NRF1: variants seen among roughly 807,000 people sequenced by gnomAD.
NRF1 encodes alpha palindromic-binding protein.
In NRF1, 5 loss-of-function variants were observed where a neutral mutation model predicts 58.5. The ratio of observed to expected loss-of-function variants is 0.09; its 90% CI spans 0.04 to 0.18. The LOEUF (loss-of-function observed/expected upper bound fraction) is 0.18. Ranked by LOEUF, NRF1 falls within the 10% of genes least tolerant of loss-of-function variation. NRF1 has a pLI of 1.00. For synonymous variants in NRF1, 224 were observed against 246.7 expected, an observed-to-expected ratio of 0.91 and a Z score of 0.86; for missense variants, 288 against 657.7, an observed-to-expected ratio of 0.44 and a Z score of 6.15.
chr7:129,655,029 A>G (rs1584611486), intron 1 of NRF1, among the ~76,000 whole-genome samples: 1 of 152,232 alleles, frequency 6.6e-6, no homozygotes, highest in Non-Finnish European at 1.5e-5. Flanking sequence ...TGTTGAATCT[A>G]GAGATCAGGT....
intron 3 of NRF1, among the ~76,000 whole-genome samples, chr7:129,674,520 A>T (rs371544974): frequency 1.3e-5 from 2 of 152,094 alleles, no homozygotes; most frequent in African/African-American, 4.8e-5. Context: ...CTGCAGCCTC[A>T]ATCTCCTGGG....
chr7:129,632,873 T>C (rs1801081606), intron 1 of NRF1, among the ~76,000 whole-genome samples: 1 of 152,166 alleles, frequency 6.6e-6, no homozygotes, highest in Admixed American at 6.5e-5. Context: ...AGCCCAGCTA[T>C]CCAGAGATAC....
chr7:129,647,298 C>G (rs528700765), intron 1 of NRF1, among the ~76,000 whole-genome samples: 5 of 152,042 alleles, frequency 3.3e-5, no homozygotes, highest in Non-Finnish European at 7.4e-5. Flanking sequence ...CTCGGGATTA[C>G]GGGCATGAGC....
At chr7:129,618,648 T>G (rs1455459911) in intron 1 of NRF1, among the ~76,000 whole-genome samples, 2 of 152,148 alleles carry the variant, frequency 1.3e-5, no homozygotes, top group Admixed American at 6.5e-5. Flanking sequence ...CAAGCTATGA[T>G]AGGGCCACTG....
intron 1 of NRF1, among the ~76,000 whole-genome samples, chr7:129,630,365 G>A (rs1239713387): frequency 6.6e-6 from 1 of 152,182 alleles, no homozygotes; most frequent in Non-Finnish European, 1.5e-5. Flanking sequence ...CTATTAATGA[G>A]TCTTCTACTT....
chr7:129,641,423 C>G lies in NRF1; in HGVS notation c.-6-15923C>G, dbSNP rs188529675. On this transcript the variant is annotated intron_variant, in intron 1 of 10. Transcript: ENST00000393232. Reference sequence around the variant, plus strand: ...CCCTTCACGTCCCTCTTTTTATATTCTACCTTCTGATACCTGTACTCAACT... The same window carrying G: ...CCCTTCACGTCCCTCTTTTTATATTGTACCTTCTGATACCTGTACTCAACT... 3.9e-5 allele frequency among the ~76,000 whole-genome samples: 6 copies of G among 152,198 alleles called. No homozygotes were observed. In the East Asian group the frequency reaches 1.2e-3, roughly 29 times the overall value.
chr7:129,673,116 T>G (rs1056034081), intron 3 of NRF1, among the ~76,000 whole-genome samples: 1 of 152,178 alleles, frequency 6.6e-6, no homozygotes, highest in Admixed American at 6.5e-5. Context: ...CAAATGCTGC[T>G]GATGGGTTGA....
At chr7:129,691,447 C>T (rs1429677096) in intron 5 of NRF1, among the ~76,000 whole-genome samples, 5 of 150,856 alleles carry the variant, frequency 3.3e-5, no homozygotes, top group East Asian at 1.9e-4. Flanking sequence ...CTGCAACCTC[C>T]GCCTCCTGGG....
chr7:129,624,870 C>T (rs1245522432), intron 1 of NRF1, among the ~76,000 whole-genome samples: 4 of 152,056 alleles, frequency 2.6e-5, no homozygotes, highest in African/African-American at 4.8e-5. Flanking sequence ...TTGTCCGAGT[C>T]GTCCCTATTT....
At chr7:129,746,475 C>G (rs1010770384) in intron 10 of NRF1, among the ~76,000 whole-genome samples, 1 of 152,144 alleles carries the variant, frequency 6.6e-6, no homozygotes, top group Non-Finnish European at 1.5e-5. Flanking sequence ...TGGCACATAC[C>G]ATGCCTGTTT....
intron 2 of NRF1, among the ~76,000 whole-genome samples, chr7:129,666,243 C>G (rs902621175): frequency 7.2e-5 from 11 of 152,340 alleles, no homozygotes; most frequent in African/African-American, 2.6e-4. Flanking sequence ...GGAACTCTTT[C>G]TAATCCTGCT....
At chr7:129,690,233 T>C (rs1802533199) in intron 4 of NRF1, among the ~76,000 whole-genome samples, 173 bp from the exon 5 acceptor site, 1 of 152,216 alleles carries the variant, frequency 6.6e-6, no homozygotes. Context: ...TTAATTATGT[T>C]CAGTATGATG....
chr7:129,693,768 GT>G (rs1426450875), intron 5 of NRF1, among the ~76,000 whole-genome samples: 1 of 152,176 alleles, frequency 6.6e-6, no homozygotes, highest in Non-Finnish European at 1.5e-5. Context: ...TCTAGTTGAT[GT>G]GAAGAATCTA....
At chr7:129,737,996 G>T (rs1053620771) in intron 10 of NRF1, among the ~76,000 whole-genome samples, 1 of 152,210 alleles carries the variant, frequency 6.6e-6, no homozygotes, top group African/African-American at 2.4e-5. Context: ...GAGCAGCACA[G>T]CTGGTAGCTG....
chr7:129,627,395 T>A (rs1800942855), intron 1 of NRF1, among the ~76,000 whole-genome samples: 1 of 152,048 alleles, frequency 6.6e-6, no homozygotes, highest in Non-Finnish European at 1.5e-5. Flanking sequence ...TTCTTTTTAT[T>A]TTTTTCGTAG....
intron 4 of NRF1, among the ~76,000 whole-genome samples, chr7:129,679,548 C>T (rs907960492): frequency 6.6e-6 from 1 of 151,780 alleles, no homozygotes; most frequent in Non-Finnish European, 1.5e-5. Flanking sequence ...GGTGAAACCC[C>T]ATCTCTACTA....
intron 1 of NRF1, among the ~76,000 whole-genome samples, chr7:129,613,154 G>C (rs1414470896): frequency 1.3e-5 from 2 of 152,172 alleles, no homozygotes; most frequent in African/African-American, 4.8e-5. Context: ...CAGAGCTTTT[G>C]TCCCGGGACA....
At chr7:129,692,492 G>T (rs182961317) in intron 5 of NRF1, among the ~76,000 whole-genome samples, 1 of 152,246 alleles carries the variant, frequency 6.6e-6, no homozygotes, top group African/African-American at 2.4e-5. Context: ...GGTTGAGGCT[G>T]CAGTGAGCCG....
chr7:129,748,417 G>A (rs1804034132), intron 10 of NRF1, among the ~76,000 whole-genome samples: 2 of 152,312 alleles, frequency 1.3e-5, no homozygotes, highest in African/African-American at 4.8e-5. Flanking sequence ...GTCACAGGAG[G>A]GAGAAACCAG....
Sources: gnomAD v4.1 joint callset for allele counts (sites outside exome capture counted in the v4.1 genomes callset) on GRCh38, gnomAD v4.1.1 for gene constraint, MANE v1.5 for transcripts, NCBI Gene and HGNC (gene_info 2026-07-23, HGNC 2026-07-21) for gene names.